The following PRKN variants were observed in gnomAD, a reference collection of about 807,000 sequenced individuals.
PRKN encodes E3 ubiquitin-protein ligase parkin.
In PRKN, 56 loss-of-function variants were observed where a neutral mutation model predicts 59.5. The ratio of observed to expected loss-of-function variants is 0.94; its 90% confidence interval spans 0.76 to 1.18. PRKN has a LOEUF of 1.18. PRKN is among the 50% of genes most tolerant of loss of function. The pLI, the probability that PRKN is intolerant of heterozygous loss-of-function variation, is 0.00. For synonymous variants in PRKN, 250 were observed against 222.1 expected (o/e 1.13, Z -1.12); for missense variants, 657 against 596.4 (o/e 1.10, Z -1.06).
At chr6:161,724,027 T>C (rs1787338878) in intron 7 of PRKN, among the ~76,000 whole-genome samples, 1 of 152,166 alleles carries the variant, frequency 6.6e-6, no homozygotes, top group African/African-American at 2.4e-5. Context: ...TTAGAAAATG[T>C]GGGAAGGTAG....
At chr6:162,326,802 T>C (rs997629404) in intron 2 of PRKN, among the ~76,000 whole-genome samples, 1 of 152,180 alleles carries the variant, frequency 6.6e-6, no homozygotes, top group Non-Finnish European at 1.5e-5. Flanking sequence ...CTATGCAATA[T>C]GCAATGAATC....
chr6:162,659,109 A>G (rs1025810105), intron 1 of PRKN, among the ~76,000 whole-genome samples: 3 of 152,160 alleles, frequency 2.0e-5, no homozygotes, highest in South Asian at 4.1e-4. Flanking sequence ...CTTTGATCAT[A>G]TATTATGAAT....
intron 6 of PRKN, among the ~76,000 whole-genome samples, chr6:161,854,427 T>G (rs555546236): frequency 1.3e-5 from 2 of 152,078 alleles, no homozygotes; most frequent in Non-Finnish European, 2.9e-5. Flanking sequence ...CCGCCAAAAA[T>G]GAAAGCTGCA....
At chr6:162,315,690 C>T (rs73024778) in intron 2 of PRKN, among the ~76,000 whole-genome samples, 6,170 of 152,146 alleles carry the variant, frequency 0.041, 154 homozygotes, top group East Asian at 0.071. Context: ...TTGACTTCTG[C>T]AAAATTAGAA....
At chr6:162,468,023 T>G (rs1791516085) in intron 1 of PRKN, among the ~76,000 whole-genome samples, 1 of 152,106 alleles carries the variant, frequency 6.6e-6, no homozygotes, top group African/African-American at 2.4e-5. Flanking sequence ...GCAGCCTCCC[T>G]AACTACTCTC....
At position 161,578,435 on chromosome 6, in the gene PRKN, A is replaced by G. The variant is rs1217969186; in HGVS notation, c.872-9019T>C. Among the ~76,000 whole-genome samples the G allele has an allele frequency of 1.3e-5, 2 of 152,248 alleles. No individual in the cohort carries two copies. The highest frequency in any genetic ancestry group is 2.9e-5 in the Non-Finnish European group (2 of 68,036). ...GAGTAGCCATCTCTCTTAACAGGAA[A>G]TCAGACGGTTCACCTGGGCAATAAT... On this transcript the variant is annotated intron_variant, in intron 7 of 11. Coordinates refer to ENST00000366898, the MANE Select transcript of PRKN (RefSeq NM_004562.3). The surrounding 1 kb of genome is among the most constrained non-coding windows in gnomAD (Gnocchi z 4.2).
rs1160539737 is a variant in PRKN at position 161,582,433 on chromosome 6, A to ATTATTC, written c.872-13018_872-13017insGAATAA. On this transcript the variant is annotated intron_variant, in intron 7 of 11. Transcript: ENST00000366898. The surrounding 1 kb of genome is among the most constrained non-coding windows in gnomAD (Gnocchi z 4.4). ...GCAGACTATTATTATTATTATTATTATTATTATTTTTGAGACAGAGTCTCG... is the reference window on the plus strand; with the variant it reads ...GCAGACTATTATTATTATTATTATTATTATTCTTATTATTTTTGAGACAGAGTCTCG... Among the ~76,000 whole-genome samples the ATTATTC allele has an allele frequency of 1.0e-3, 156 of 150,268 alleles. 2 individuals carry two copies. Among genetic ancestry groups the ATTATTC allele is most frequent in the Middle Eastern group, 3.6e-3 (1 of 276 alleles).
intron 7 of PRKN, among the ~76,000 whole-genome samples, chr6:161,620,986 G>A (rs1782875794): frequency 6.6e-6 from 1 of 152,154 alleles, no homozygotes; most frequent in South Asian, 2.1e-4. Context: ...GGGGGATTCT[G>A]GCAAGGTGCC....
At chr6:162,682,869 A>G (rs150819816) in intron 1 of PRKN, among the ~76,000 whole-genome samples, 157 of 152,342 alleles carry the variant, frequency 1.0e-3, no homozygotes, top group African/African-American at 3.7e-3. Context: ...ATAAGGGTAC[A>G]TTTGCAAACA....
At chr6:162,087,610 T>TC (rs1554269121) in intron 4 of PRKN, among the ~76,000 whole-genome samples, 3 of 148,590 alleles carry the variant, frequency 2.0e-5, no homozygotes, top group Non-Finnish European at 1.5e-5. Flanking sequence ...TTTTTTTTTT[T>TC]CTGAGACGGA....
At chr6:162,572,625 T>C (rs1780386934) in intron 1 of PRKN, among the ~76,000 whole-genome samples, 1 of 152,152 alleles carries the variant, frequency 6.6e-6, no homozygotes, top group Admixed American at 6.5e-5. Flanking sequence ...CCTTTCAGAG[T>C]GTCCTTACTT....
At chr6:162,159,009 C>G (rs1040220863) in intron 4 of PRKN, among the ~76,000 whole-genome samples, 4 of 152,010 alleles carry the variant, frequency 2.6e-5, no homozygotes, top group Non-Finnish European at 5.9e-5. Context: ...CCACATAACG[C>G]TAACCCTAAG....
chr6:162,499,137 CCT>C (rs1460041039), intron 1 of PRKN, among the ~76,000 whole-genome samples: 1 of 152,102 alleles, frequency 6.6e-6, no homozygotes, highest in East Asian at 1.9e-4. Flanking sequence ...TCCCTGTTTC[CCT>C]GTCTTATCTC....
intron 4 of PRKN, among the ~76,000 whole-genome samples, chr6:162,100,286 G>C (rs988792243): frequency 2.0e-5 from 3 of 152,072 alleles, no homozygotes; most frequent in Non-Finnish European, 4.4e-5. Context: ...CTTTGGATAC[G>C]TACCCAGAAG....
intron 7 of PRKN, among the ~76,000 whole-genome samples, chr6:161,590,756 A>T (rs1171170063): frequency 6.6e-6 from 1 of 151,398 alleles, no homozygotes; most frequent in African/African-American, 2.4e-5. Flanking sequence ...AAAAAATTGC[A>T]TAACTTGAGT....
intron 7 of PRKN, among the ~76,000 whole-genome samples, chr6:161,611,359 T>TA (rs1289497313): frequency 6.6e-6 from 1 of 152,238 alleles, no homozygotes; most frequent in African/African-American, 2.4e-5. Flanking sequence ...CTGCAGTTTT[T>TA]ACGCATTGAA....
chr6:162,268,476 C>T (rs1219562268), intron 2 of PRKN, among the ~76,000 whole-genome samples: 2 of 152,166 alleles, frequency 1.3e-5, no homozygotes, highest in Admixed American at 6.5e-5. Context: ...ATAAATTGCC[C>T]AGTCTCAGGT....
At chr6:161,910,846 C>CA (rs1183323677) in intron 6 of PRKN, among the ~76,000 whole-genome samples, 1 of 152,176 alleles carries the variant, frequency 6.6e-6, no homozygotes, top group Non-Finnish European at 1.5e-5. Context: ...CCTCTACCAG[C>CA]AAAAAGATTA....
At chr6:162,374,714 T>C (rs750385591) in intron 2 of PRKN, among the ~76,000 whole-genome samples, 41 of 152,028 alleles carry the variant, frequency 2.7e-4, no homozygotes, top group Non-Finnish European at 4.1e-4. Context: ...GTTGTTTGGG[T>C]TGAAGAGGGA....
Sources: gnomAD v4.1 joint callset for allele counts (sites outside exome capture counted in the v4.1 genomes callset) on GRCh38, gnomAD v4.1.1 for gene constraint, Gnocchi (gnomAD v3.1) non-coding constraint, MANE v1.5 for transcripts, NCBI Gene and HGNC (gene_info 2026-07-23, HGNC 2026-07-21) for gene names.